The following GSTM3 variants were observed in gnomAD, a reference collection of about 807,000 sequenced individuals.
The protein encoded by GSTM3 is GST class-mu 3.
A neutral mutation model predicts 36.1 loss-of-function variants in GSTM3; 34 were observed. That is an observed-to-expected ratio of 0.94 (90% CI 0.72 to 1.25). The LOEUF (loss-of-function observed/expected upper bound fraction) is 1.25, where lower values mean the gene tolerates loss of function less well. GSTM3 is among the 50% of genes most tolerant of loss of function. The probability of loss-of-function intolerance (pLI) is 0.00; values close to 1 mark genes in which losing one functional copy is unlikely to be tolerated. For synonymous variants in GSTM3, 102 were observed against 99.5 expected, an observed-to-expected ratio of 1.03 and a Z score of -0.15; for missense variants, 266 against 281.6, an observed-to-expected ratio of 0.94 and a Z score of 0.40.
At chr1:109,738,865 A>T (rs564392035) in intron 4 of GSTM3, among the ~76,000 whole-genome samples, 69 of 152,336 alleles carry the variant, frequency 4.5e-4, no homozygotes, top group African/African-American at 1.4e-3. Flanking sequence ...TCATGCCTGT[A>T]ATCCCAACAC....
At chr1:109,739,354 AG>A in intron 4 of GSTM3, 74 bp downstream of exon 4, 1 of 981,300 alleles carries the variant, frequency 1.0e-6, no homozygotes, top group Non-Finnish European at 1.6e-6. Context: ...CTTCTGTACC[AG>A]GCAGGAGAGA....
Position 109,740,990 on chromosome 1 carries a change from GC to G in GSTM3, c.-263del, listed in dbSNP as rs1244642967. On this transcript the variant is annotated 5_prime_UTR_variant, in exon 1 of 9. Transcript: ENST00000361066. ...TTCCACAGCCTATCCTTCCTCAGCA[GC>G]CTTGCTGAAATGTCTGCCTATTCCT... 5.9e-5 allele frequency: 9 copies of G among 152,562 alleles called. No homozygotes were observed. The highest frequency in any genetic ancestry group is 2.2e-4 in the African/African-American group (9 of 41,456). The allele number at this position is 152,562 out of a possible 1,614,324, so 9.5% of individuals were successfully genotyped here.
At position 109,734,451 on chromosome 1, in the gene GSTM3, A is replaced by G. The variant is rs190061256; in HGVS notation, c.*2620T>C. 4 of 152,190 alleles carry G rather than the reference A, an allele frequency of 2.6e-5. No individual in the cohort carries two copies. The highest frequency in any genetic ancestry group is 9.7e-5 in the African/African-American group (4 of 41,442). The allele number at this position is 152,190 out of a possible 1,614,324, so 9.4% of individuals were successfully genotyped here. On this transcript the variant is annotated 3_prime_UTR_variant, in exon 9 of 9. Coordinates refer to ENST00000361066, the MANE Select transcript of GSTM3 (RefSeq NM_000849.5). Reference sequence around the variant, plus strand: ...TGAGACCTTCCCTCTCTATGTGCCTATCCATCCCTTAACTACCTCCTCTCT... The same window carrying G: ...TGAGACCTTCCCTCTCTATGTGCCTGTCCATCCCTTAACTACCTCCTCTCT...
chr1:109,737,392 G>T (rs1219970578), intron 8 of GSTM3, 65 bp downstream of exon 8: 1 of 1,044,672 alleles, frequency 9.6e-7, no homozygotes, highest in East Asian at 2.4e-5. Context: ...CTCCACTATG[G>T]GATCCTGCAG....
In GSTM3 at chr1:109,735,270, G is replaced by C. The variant is rs1649165169; in HGVS notation, c.*1801C>G. Reference sequence around the variant, plus strand: ...AGCTCACTGCAGCTTCAAATTCCTGGGCTCAAGTGATCCTCCCACCTCAGC... The same window carrying C: ...AGCTCACTGCAGCTTCAAATTCCTGCGCTCAAGTGATCCTCCCACCTCAGC... On this transcript the variant is annotated 3_prime_UTR_variant, in exon 9 of 9. Coordinates refer to ENST00000361066, the MANE Select transcript of GSTM3 (RefSeq NM_000849.5). The C allele has an allele frequency of 6.6e-6, 1 of 152,104 alleles. No individual in the cohort carries two copies. Among genetic ancestry groups the C allele is most frequent in the Non-Finnish European group, 1.5e-5 (1 of 68,076 alleles). 9.4% of individuals were successfully genotyped at this position (152,104 alleles called of 1,614,324 possible).
chr1:109,737,550 A>G lies in GSTM3; in HGVS notation c.486T>C (p.Phe162=). The G allele has an allele frequency of 1.2e-6, 2 of 1,612,322 alleles. No individual in the cohort carries two copies. The highest frequency in any genetic ancestry group is 1.7e-6 in the Non-Finnish European group (2 of 1,178,498). ...FAGEKLTFVD[F]LTYDILDQNR... ...TCTGATCCAAGATATCATAGGTGAG[A>G]AAATCCACAAAGGTGAGCTAGAAGA... is the stretch of plus-strand genomic sequence containing the variant. The change falls in exon 8 of 9, where the codon TTT becomes TTC. Residue 162 remains phenylalanine, a synonymous_variant. Transcript: ENST00000361066.
At chr1:109,740,578 T>C (rs1393640009) in intron 1 of GSTM3, 67 bp from the exon 2 acceptor site, 2 of 474,918 alleles carry the variant, frequency 4.2e-6, no homozygotes, top group Non-Finnish European at 7.5e-6. Flanking sequence ...CCAGACTTCA[T>C]TCATTAATGG....
rs796181034 is a variant in GSTM3 at position 109,735,569 on chromosome 1, T to G, written c.*1502A>C. 4 of 152,124 alleles carry G rather than the reference T, an allele frequency of 2.6e-5. No homozygotes were observed. The highest frequency in any genetic ancestry group is 9.6e-5 in the African/African-American group (4 of 41,476). 9.4% of individuals were successfully genotyped at this position (152,124 alleles called of 1,614,324 possible). On this transcript the variant is annotated 3_prime_UTR_variant, in exon 9 of 9. Transcript: ENST00000361066. ...ATAGTATTGACAGGTATTTACACGG[T>G]TTCCACTTATTTGTCATTACAGACA... is the stretch of plus-strand genomic sequence containing the variant.
In GSTM3 at chr1:109,738,287, A is replaced by G. The variant is rs753139755; in HGVS notation, c.269T>C (p.Met90Thr). 1.2e-6 allele frequency: 2 copies of G among 1,613,152 alleles called. No homozygotes were observed. The highest frequency in any genetic ancestry group is 1.1e-5 in the South Asian group (1 of 91,046). ...ILRYIARKHN[M>T]CGETEEEKIR... The stretch of plus-strand genomic sequence containing the variant: ...CTCACCAGCCCTACCCCACTCACAC[A>G]TGTTGTGCTTGCGAGCGATGTAGCG... The change falls in exon 5 of 9, where the codon ATG becomes ACG. Residue 90 changes from methionine (M) to threonine (T), a missense_variant and splice_region_variant. Met to Thr is a moderately conservative substitution (Grantham distance 81, BLOSUM62 -1). Transcript: ENST00000361066.
chr1:109,740,069 C>CGTCCCTTGCCTCCGCGGCT, intron 2 of GSTM3, 161 bp from the exon 3 acceptor site: 1 of 867,024 alleles, frequency 1.2e-6, no homozygotes, highest in Non-Finnish European at 1.8e-6. Flanking sequence ...TCCGCCCCTC[C>CGTCCCTTGCCTCCGCGGCT]CCACAGGGCC....
intron 2 of GSTM3, 56 bp downstream of exon 2, chr1:109,740,184 C>A: frequency 1.3e-6 from 2 of 1,496,838 alleles, no homozygotes; most frequent in Non-Finnish European, 1.9e-6. Flanking sequence ...CAGAGACCCG[C>A]CCTCTCCGCG....
chr1:109,736,273 T>G lies in GSTM3; in HGVS notation c.*798A>C, dbSNP rs1213017795. The G allele has an allele frequency of 6.6e-6, 1 of 152,232 alleles. No homozygotes were observed. Among genetic ancestry groups the G allele is most frequent in the Non-Finnish European group, 1.5e-5 (1 of 68,036 alleles). 9.4% of individuals were successfully genotyped at this position (152,232 alleles called of 1,614,324 possible). ...ATAGGTCTTTATATAATCTTTATAC[T>G]AGTGCTTTTTGTCTCACTTGTCATT... On this transcript the variant is annotated 3_prime_UTR_variant, in exon 9 of 9. Transcript: ENST00000361066.
chr1:109,735,454 T>C lies in GSTM3; in HGVS notation c.*1617A>G, dbSNP rs1227700758. ...CCTCTGAAGGTGTTGTTATTACAGC[T>C]GTGAGCAACCACACCTGGCCTGTTT... is the stretch of plus-strand genomic sequence containing the variant. On this transcript the variant is annotated 3_prime_UTR_variant, in exon 9 of 9. Transcript: ENST00000361066. 2 of 152,190 alleles carry C rather than the reference T, an allele frequency of 1.3e-5. No individual in the cohort carries two copies. The highest frequency in any genetic ancestry group is 2.9e-5 in the Non-Finnish European group (2 of 68,068). The allele number at this position is 152,190 out of a possible 1,614,324, so 9.4% of individuals were successfully genotyped here. A position where few individuals can be genotyped will look rare whatever the true frequency, so the allele number is the denominator to read the frequency against.
chr1:109,738,248 C>G (rs767274327), intron 5 of GSTM3, 37 bp downstream of exon 5: 1 of 1,602,038 alleles, frequency 6.2e-7, no homozygotes, highest in Non-Finnish European at 8.6e-7. Context: ...AGACAAACTA[C>G]CAGCCTGGGG....
chr1:109,739,780 C>T (rs1230751951), intron 3 of GSTM3, 53 bp downstream of exon 3: 7 of 1,361,858 alleles, frequency 5.1e-6, no homozygotes, highest in Non-Finnish European at 5.1e-6. Flanking sequence ...CGTAAGAAGA[C>T]CAGGGCAGGT....
At chr1:109,740,044 T>G (rs1649323148) in intron 2 of GSTM3, 136 bp from the exon 3 acceptor site, 14 of 879,334 alleles carry the variant, frequency 1.6e-5, no homozygotes, top group Admixed American at 1.3e-4. Flanking sequence ...TAGGCCCGGC[T>G]CCGGCGTGGT....
Position 109,739,869 on chromosome 1 carries a change from T to C in GSTM3, c.88A>G (p.Thr30Ala), listed in dbSNP as rs1008457955. The change falls in exon 3 of 9, where the codon ACC becomes GCC. Residue 30 changes from threonine (T) to alanine (A), a missense_variant. By Grantham distance (58) the Thr-to-Ala change is moderately conservative. Coordinates refer to ENST00000361066, the MANE Select transcript of GSTM3 (RefSeq NM_000849.5). ...AIRLLLEFTD[T>A]SYEEKRYTCG... ...GTGTACCGTTTCTCCTCATAAGAGG[T>C]ATCCGTGAACTCCAGGAGCAGGCGG... 1 of 1,555,246 alleles carries C rather than the reference T, an allele frequency of 6.4e-7. No individual in the cohort carries two copies. The highest frequency in any genetic ancestry group is 8.7e-7 in the Non-Finnish European group (1 of 1,148,696).
chr1:109,739,464 C>G lies in GSTM3; in HGVS notation c.154G>C (p.Asp52His). ...TCCAGGTCTAGCTTGAATTTCACAT[C>G]CAGCCATTGGCTTCGATCATAGTCA... ...APDYDRSQWL[D>H]VKFKLDLDFP... is the part of the protein sequence containing the mutation. The change falls in exon 4 of 9, where the codon GAT becomes CAT. Residue 52 changes from aspartate (D) to histidine (H), a missense_variant. Asp to His is a moderately conservative substitution (Grantham distance 81). Transcript: ENST00000361066. 6.2e-7 allele frequency: 1 copy of G among 1,612,784 alleles called. No homozygotes were observed. Among genetic ancestry groups the G allele is most frequent in the Non-Finnish European group, 8.5e-7 (1 of 1,178,994 alleles).
Position 109,738,277 on chromosome 1 carries a change from C to T in GSTM3, c.271+8G>A. 1 of 1,611,700 alleles carries T rather than the reference C, an allele frequency of 6.2e-7. No individual in the cohort carries two copies. The highest frequency in any genetic ancestry group is 8.5e-7 in the Non-Finnish European group (1 of 1,177,722). ...CCTGGGGTCCCTCACCAGCCCTACCCCACTCACACATGTTGTGCTTGCGAG... is the reference window on the plus strand; with the variant it reads ...CCTGGGGTCCCTCACCAGCCCTACCTCACTCACACATGTTGTGCTTGCGAG... On this transcript the variant is annotated splice_region_variant and intron_variant, in intron 5 of 8. Coordinates refer to ENST00000361066, the MANE Select transcript of GSTM3 (RefSeq NM_000849.5).
Sources: allele counts gnomAD v4.1 joint callset (sites outside exome capture counted in the v4.1 genomes callset), GRCh38; gene constraint gnomAD v4.1.1; transcripts MANE v1.5; gene names NCBI Gene and HGNC (gene_info 2026-07-23, HGNC 2026-07-21).